PREX2: variants seen among roughly 807,000 people sequenced by gnomAD.
The protein encoded by PREX2 is phosphatidylinositol 3,4,5-trisphosphate-dependent Rac exchanger 2 protein.
PREX2 carries 107 observed loss-of-function variants against 203.2 expected under a neutral mutation model. The ratio of observed to expected loss-of-function variants is 0.53; its 90% CI spans 0.45 to 0.62. PREX2 has a LOEUF of 0.62. Among genes scored for constraint, PREX2 ranks in the 20% least tolerant of loss-of-function variants. The pLI, the probability that PREX2 is intolerant of heterozygous loss-of-function variation, is 0.00. For missense variants in PREX2, 1,777 were observed against 1,955.9 expected (o/e 0.91, Z 1.72); for synonymous variants, 672 against 663.6 (o/e 1.01, Z -0.19).
intron 10 of PREX2, among the ~76,000 whole-genome samples, chr8:68,059,120 C>T (rs1171587449): frequency 6.6e-6 from 1 of 152,018 alleles, no homozygotes; most frequent in South Asian, 2.1e-4. Context: ...AAATAATTTC[C>T]TGATGCAGTC....
chr8:68,215,789 G>A (rs1490194550), intron 37 of PREX2, among the ~76,000 whole-genome samples: 1 of 151,968 alleles, frequency 6.6e-6, no homozygotes, highest in Admixed American at 6.6e-5. Context: ...CGCCCGCCTC[G>A]GCCTCCCAAA....
intron 23 of PREX2, among the ~76,000 whole-genome samples, chr8:68,104,169 T>C (rs1810344593): frequency 6.6e-6 from 1 of 152,186 alleles, no homozygotes; most frequent in African/African-American, 2.4e-5. Context: ...ACATGCAGCC[T>C]TTCCTCCCTA....
Position 68,072,531 on chromosome 8 carries a change from G to A in PREX2, c.1530G>A (p.Val510=). The A allele has an allele frequency of 6.3e-7, 1 of 1,597,808 alleles. No homozygotes were observed. Among genetic ancestry groups the A allele is most frequent in the Non-Finnish European group, 8.6e-7 (1 of 1,166,160 alleles). The change falls in exon 14 of 40, where the codon GTG becomes GTA. Residue 510 remains valine (V), a synonymous_variant. Transcript: ENST00000288368. ...ACCATTTAAGGACCTACAAATCTGT[G>A]GTCATGGCCAACAAACTGATAGACT... The part of the protein sequence containing the change: ...KDYHLRTYKS[V]VMANKLIDWL...
intron 35 of PREX2, among the ~76,000 whole-genome samples, chr8:68,185,141 C>G (rs547697585): frequency 6.6e-6 from 1 of 152,164 alleles, no homozygotes; most frequent in African/African-American, 2.4e-5. Context: ...ATTCAGTTCT[C>G]TCAATTTTCA....
At chr8:68,129,425 G>A (rs1300536877) in intron 31 of PREX2, among the ~76,000 whole-genome samples, 6 of 152,048 alleles carry the variant, frequency 3.9e-5, no homozygotes, top group African/African-American at 7.2e-5. Context: ...TATATAGGAT[G>A]ACACCAAAAC....
intron 10 of PREX2, among the ~76,000 whole-genome samples, chr8:68,057,481 G>C (rs1314302196): frequency 1.3e-5 from 2 of 152,182 alleles, no homozygotes; most frequent in African/African-American, 4.8e-5. Flanking sequence ...CTGCAGAGCA[G>C]CATCTGGCTT....
At chr8:68,224,695 G>T in intron 39 of PREX2, 69 bp downstream of exon 39, 2 of 1,173,870 alleles carry the variant, frequency 1.7e-6, no homozygotes, top group Non-Finnish European at 2.5e-6. Context: ...GTGTCCCTCC[G>T]CTAATGCAAC....
At chr8:67,994,908 T>C (rs974408974) in intron 1 of PREX2, among the ~76,000 whole-genome samples, 13 of 152,200 alleles carry the variant, frequency 8.5e-5, no homozygotes, top group Non-Finnish European at 1.5e-4. Flanking sequence ...TATAAGACAT[T>C]TTATGCTAAG....
intron 10 of PREX2, among the ~76,000 whole-genome samples, chr8:68,059,092 T>G (rs2129611294): frequency 6.6e-6 from 1 of 152,348 alleles, no homozygotes; most frequent in African/African-American, 2.4e-5. Context: ...CTTGCTTTTG[T>G]TTTTGAAATT....
chr8:68,212,429 G>A (rs1812757684), intron 37 of PREX2, among the ~76,000 whole-genome samples: 1 of 152,080 alleles, frequency 6.6e-6, no homozygotes. Context: ...CCTACACACT[G>A]GAGTAATGGA....
rs191329464 is a variant in PREX2 at position 68,108,332 on chromosome 8, G to T, written c.2938+1G>T. On this transcript the variant is annotated splice_donor_variant, in intron 24 of 39. Transcript: ENST00000288368. LOFTEE classifies it high-confidence loss of function. ...AAAGAAAACAAATCTTCGGAGCAAG[G>T]TATGCTAGCTTTTGCAACTTTATCA... 223 of 1,609,936 alleles carry T rather than the reference G, an allele frequency of 1.4e-4. 1 individual carries two copies. The highest frequency in any genetic ancestry group is 6.8e-6 in the Non-Finnish European group (8 of 1,177,058).
chr8:68,084,726 C>T (rs181484293), intron 18 of PREX2, among the ~76,000 whole-genome samples: 55 of 152,292 alleles, frequency 3.6e-4, no homozygotes, highest in African/African-American at 1.3e-3. Context: ...GTTCCTCTCC[C>T]TTTATTCAAC....
At chr8:68,037,571 T>C (rs910381245) in intron 6 of PREX2, among the ~76,000 whole-genome samples, 1 of 152,202 alleles carries the variant, frequency 6.6e-6, no homozygotes, top group Non-Finnish European at 1.5e-5. Flanking sequence ...TTGTATAATC[T>C]TGATGGGCAT....
At chr8:68,226,869 C>T (rs1813066120) in intron 39 of PREX2, among the ~76,000 whole-genome samples, 1 of 152,190 alleles carries the variant, frequency 6.6e-6, no homozygotes, top group East Asian at 1.9e-4. Flanking sequence ...ACAGAATACT[C>T]CTGGGCCTGT....
intron 35 of PREX2, among the ~76,000 whole-genome samples, chr8:68,174,711 T>TG (rs1554582964): frequency 2.0e-5 from 3 of 152,332 alleles, no homozygotes; most frequent in African/African-American, 7.2e-5. Context: ...CCTTGTCTTT[T>TG]TTGTTGTTGT....
chr8:68,217,511 T>C (rs1812866274), intron 37 of PREX2, 105 bp from the exon 38 acceptor site: 1 of 781,756 alleles, frequency 1.3e-6, no homozygotes, highest in Non-Finnish European at 2.2e-6. Context: ...TCTAGCTGCT[T>C]TTATTTTGGC....
intron 9 of PREX2, among the ~76,000 whole-genome samples, chr8:68,055,449 T>C (rs969776970): frequency 8.6e-6 from 1 of 116,176 alleles, no homozygotes; most frequent in African/African-American, 4.2e-5. Context: ...ATGCCTCTAT[T>C]ATATTGCATT....
intron 35 of PREX2, among the ~76,000 whole-genome samples, chr8:68,173,305 G>C (rs1811915368): frequency 6.6e-6 from 1 of 152,150 alleles, no homozygotes; most frequent in Non-Finnish European, 1.5e-5. Context: ...CTCTGTTGGA[G>C]ACATCTCAAG....
Position 68,172,266 on chromosome 8 carries a change from A to C in PREX2, c.4346+14830A>C, listed in dbSNP as rs550247988. On this transcript the variant is annotated intron_variant, in intron 35 of 39. Transcript: ENST00000288368. ...TTGTGGATGTCTTTCCTACACATGAAATTTATGAAAGATCTACCATTTACA... is the reference window on the plus strand; with the variant it reads ...TTGTGGATGTCTTTCCTACACATGACATTTATGAAAGATCTACCATTTACA... Among the ~76,000 whole-genome samples, 5 of 152,324 alleles carry C rather than the reference A, an allele frequency of 3.3e-5. No homozygotes were observed. The East Asian group carries it at 9.6e-4, about 29-fold the overall frequency.
Sources: allele counts gnomAD v4.1 joint callset (sites outside exome capture counted in the v4.1 genomes callset), GRCh38; gene constraint gnomAD v4.1.1; transcripts MANE v1.5; gene names NCBI Gene and HGNC (gene_info 2026-07-23, HGNC 2026-07-21).